KCNK16: variants seen among roughly 807,000 people sequenced by gnomAD.
The protein encoded by KCNK16 is potassium two pore domain channel subfamily K member 16, also known as potassium channel subfamily K member 16.
KCNK16 carries 23 observed loss-of-function variants against 23.0 expected under a neutral mutation model. That is an observed-to-expected ratio of 1.00 (90% CI 0.72 to 1.41). The LOEUF is 1.41. Ranked by LOEUF, KCNK16 falls within the 40% of genes most tolerant of loss-of-function variation. The pLI is 0.00. For synonymous variants in KCNK16, 145 were observed against 153.5 expected (o/e 0.94, Z 0.41); for missense variants, 327 against 365.8 (o/e 0.89, Z 0.87).
rs774831433 is a variant in KCNK16 at position 39,322,460 on chromosome 6, G to A, written c.81C>T (p.Leu27=). 29 of 1,613,894 alleles carry A rather than the reference G, an allele frequency of 1.8e-5. No individual in the cohort carries two copies. Among genetic ancestry groups the A allele is most frequent in the South Asian group, 1.4e-4 (13 of 91,062 alleles). The part of the protein sequence containing the change: ...LLLAYVCYLL[L]GATIFQLLER... ...CTAGCAGCTGGAAGATAGTGGCACC[G>A]AGCAGCAGGTAGCAGACATAGGCCA... The change falls in exon 1 of 5, where the codon CTC becomes CTT. Residue 27 remains leucine, a synonymous_variant. Transcript: ENST00000437525.
intron 3 of KCNK16, 115 bp downstream of exon 3, chr6:39,317,671 A>G: frequency 8.6e-7 from 1 of 1,157,926 alleles, no homozygotes; most frequent in Non-Finnish European, 1.2e-6. Flanking sequence ...CCTCTTTCAC[A>G]GGCATCTACC....
rs757798748 is a variant in KCNK16, at chr6:39,316,385, A to T, written c.719T>A (p.Ile240Asn). The change falls in exon 5 of 5, where the codon ATC becomes AAC. Residue 240 changes from isoleucine (I) to asparagine (N), a missense_variant. Transcript: ENST00000437525. ...SVYRSLAAIWILLGLAWLALI... is the reference protein window; with the variant it reads ...SVYRSLAAIWNLLGLAWLALI... ...CGCCAGCCACGCCAGGCCCAGGAGGATCCAGATGGCTGCCAGGCTCCGATA... is the reference window on the plus strand; with the variant it reads ...CGCCAGCCACGCCAGGCCCAGGAGGTTCCAGATGGCTGCCAGGCTCCGATA... 5 of 1,611,740 alleles carry T rather than the reference A, an allele frequency of 3.1e-6. No individual in the cohort carries two copies. The highest frequency in any genetic ancestry group is 3.3e-4 in the Middle Eastern group (2 of 6,026).
chr6:39,315,279 G>T (rs1428365163), downstream of KCNK16: 1 of 1,579,992 alleles, frequency 6.3e-7, no homozygotes, highest in Non-Finnish European at 8.6e-7. Context: ...GCCAGACCTG[G>T]AGAATGCATT....
At position 39,316,391 on chromosome 6, in the gene KCNK16, A is replaced by T. The variant is rs767559762; in HGVS notation, c.713T>A (p.Ile238Asn). ...YISVYRSLAAIWILLGLAWLA... is the reference protein window; with the variant it reads ...YISVYRSLAANWILLGLAWLA... ...CCACGCCAGGCCCAGGAGGATCCAG[A>T]TGGCTGCCAGGCTCCGATACACTGA... The change falls in exon 5 of 5, where the codon ATC becomes AAC. Residue 238 changes from isoleucine to asparagine, a missense_variant. Ile to Asn is a moderately radical substitution (Grantham distance 149). Coordinates refer to ENST00000437525, the MANE Select transcript of KCNK16 (RefSeq NM_001135106.2). 4.3e-5 allele frequency: 70 copies of T among 1,612,732 alleles called. No homozygotes were observed. Among genetic ancestry groups the T allele is most frequent in the Non-Finnish European group, 5.9e-5 (69 of 1,179,464 alleles).
chr6:39,319,041 T>A lies in KCNK16; in HGVS notation c.306A>T (p.Ala102=). ...TACCTATGGTAGTGACGACTGTGCC[T>A]GCAAAGAAGAAACTGCTGCCAAAGT... ...NWDFGSSFFF[A]GTVVTTIGYG... The change falls in exon 2 of 5, where the codon GCA becomes GCT. Residue 102 remains alanine, a synonymous_variant. Transcript: ENST00000437525. The surrounding 1 kb of genome is among the most constrained non-coding windows in gnomAD (Gnocchi z 4.2). The A allele has an allele frequency of 1.2e-6, 2 of 1,613,848 alleles. No individual in the cohort carries two copies. The highest frequency in any genetic ancestry group is 1.7e-6 in the Non-Finnish European group (2 of 1,179,736).
downstream of KCNK16, chr6:39,315,563 C>G (rs1216682560): frequency 1.1e-5 from 8 of 748,876 alleles, no homozygotes; most frequent in East Asian, 2.7e-5. Context: ...GCTCGCCTGC[C>G]CCTCGGCTGA....
chr6:39,322,268 A>T, intron 1 of KCNK16, 60 bp downstream of exon 1: 2 of 1,571,480 alleles, frequency 1.3e-6, no homozygotes, highest in Non-Finnish European at 1.7e-6. Context: ...TGCCACAGGA[A>T]CCCCATTCCA....
In KCNK16 at chr6:39,320,690, G is replaced by C. The variant is rs143225418; in HGVS notation, c.214-1557C>G. 4.7e-3 allele frequency among the ~76,000 whole-genome samples: 711 copies of C among 151,180 alleles called. 4 individuals are homozygous for C. The highest frequency in any genetic ancestry group is 0.016 in the African/African-American group (669 of 40,564). ...GGGAAAGGGATGTCCTGTCTTCCCT[G>C]GGGAGGCCCCAGGGGCTAATCAGTG... On this transcript the variant is annotated intron_variant, in intron 1 of 4. Coordinates refer to ENST00000437525, the MANE Select transcript of KCNK16 (RefSeq NM_001135106.2).
downstream of KCNK16, chr6:39,315,035 G>A (rs749866171): frequency 6.2e-7 from 1 of 1,612,840 alleles, no homozygotes. Context: ...ATATGGGGAA[G>A]TCCTGGGGTG....
Position 39,319,210 on chromosome 6 carries a change from A to G in KCNK16, c.214-77T>C, listed in dbSNP as rs1228903507. On this transcript the variant is annotated intron_variant, in intron 1 of 4. Coordinates refer to ENST00000437525, the MANE Select transcript of KCNK16 (RefSeq NM_001135106.2). The surrounding 1 kb of genome is among the most constrained non-coding windows in gnomAD (Gnocchi z 4.2). ...CACCAGTTGTTGCCATGCTTTTGGCAGCATGCTTTTGTGTCATCTCATCTA... is the reference window on the plus strand; with the variant it reads ...CACCAGTTGTTGCCATGCTTTTGGCGGCATGCTTTTGTGTCATCTCATCTA... 1.9e-5 allele frequency: 16 copies of G among 829,086 alleles called. No homozygotes were observed. Among genetic ancestry groups the G allele is most frequent in the Non-Finnish European group, 2.9e-5 (14 of 474,980 alleles). 51.4% of individuals were successfully genotyped at this position (829,086 alleles called of 1,614,324 possible).
chr6:39,321,277 C>A (rs1762507180), intron 1 of KCNK16, among the ~76,000 whole-genome samples: 3 of 152,340 alleles, frequency 2.0e-5, no homozygotes, highest in East Asian at 1.9e-4. Flanking sequence ...CTGCCCCCAG[C>A]ACTTATGCTA....
chr6:39,322,140 C>T (rs1417692436), intron 1 of KCNK16, among the ~76,000 whole-genome samples, 188 bp downstream of exon 1: 2 of 152,230 alleles, frequency 1.3e-5, no homozygotes, highest in Non-Finnish European at 2.9e-5. Flanking sequence ...CAAGGTCACA[C>T]ATCAATCCAG....
chr6:39,316,321 G>A lies in KCNK16; in HGVS notation c.783C>T (p.Cys261=). 1 of 1,610,260 alleles carries A rather than the reference G, an allele frequency of 6.2e-7. No homozygotes were observed. Among genetic ancestry groups the A allele is most frequent in the Non-Finnish European group, 8.5e-7 (1 of 1,178,768 alleles). Residue 261 remains cysteine (C), a synonymous_variant, in exon 5 of 5, where the codon TGC becomes TGT. Coordinates refer to ENST00000437525, the MANE Select transcript of KCNK16 (RefSeq NM_001135106.2). ...LPLGPLLLHR[C]CQLWLLSRGL... is the part of the protein sequence containing the mutation. ...CCCTACTGAGCAGCCAGAGCTGGCA[G>A]CATCTGTGCAGAAGCAGGGGGCCCA...
At position 39,319,186 on chromosome 6, in the gene KCNK16, A is replaced by G; in HGVS notation, c.214-53T>C. Reference sequence around the variant, plus strand: ...AAGAAGGAGCTGATGGTTACTGGGCACCAGTTGTTGCCATGCTTTTGGCAG... The same window carrying G: ...AAGAAGGAGCTGATGGTTACTGGGCGCCAGTTGTTGCCATGCTTTTGGCAG... On this transcript the variant is annotated intron_variant, in intron 1 of 4. Coordinates refer to ENST00000437525, the MANE Select transcript of KCNK16 (RefSeq NM_001135106.2). The surrounding 1 kb of genome is among the most constrained non-coding windows in gnomAD (Gnocchi z 4.2). 9.7e-7 allele frequency: 1 copy of G among 1,029,118 alleles called. No individual in the cohort carries two copies. Among genetic ancestry groups the G allele is most frequent in the Non-Finnish European group, 1.5e-6 (1 of 650,142 alleles). The allele number at this position is 1,029,118 out of a possible 1,614,324, so 63.7% of individuals were successfully genotyped here.
Position 39,316,403 on chromosome 6 carries a change from C to G in KCNK16, c.701G>C (p.Ser234Thr). 1.2e-6 allele frequency: 2 copies of G among 1,611,714 alleles called. No individual in the cohort carries two copies. Among genetic ancestry groups the G allele is most frequent in the Non-Finnish European group, 1.7e-6 (2 of 1,178,952 alleles). Residue 234 changes from serine (S) to threonine (T), a missense_variant, in exon 5 of 5, where the codon AGC (serine) becomes ACC (threonine). By Grantham distance (58) the Ser-to-Thr change is moderately conservative. Transcript: ENST00000437525. ...PSKHYISVYRSLAAIWILLGL... is the reference protein window; with the variant it reads ...PSKHYISVYRTLAAIWILLGL... ...CAGGAGGATCCAGATGGCTGCCAGG[C>G]TCCGATACACTGAGATATAATGCTT...
In KCNK16 at chr6:39,322,567, G is replaced by C. The variant is rs200139415; in HGVS notation, c.-27C>G. On this transcript the variant is annotated 5_prime_UTR_variant, in exon 1 of 5. Coordinates refer to ENST00000437525, the MANE Select transcript of KCNK16 (RefSeq NM_001135106.2). Reference sequence around the variant, plus strand: ...CTGTGGCCAGGACCCTGCCAGGGCCGTGGGGCTGGCTATGGGGGAGAGGTG... The same window carrying C: ...CTGTGGCCAGGACCCTGCCAGGGCCCTGGGGCTGGCTATGGGGGAGAGGTG... The C allele has an allele frequency of 1.3e-6, 2 of 1,560,146 alleles. No individual in the cohort carries two copies. The highest frequency in any genetic ancestry group is 2.7e-5 in the African/African-American group (2 of 73,860).
At chr6:39,321,272 C>T (rs1342686213) in intron 1 of KCNK16, among the ~76,000 whole-genome samples, 1 of 152,182 alleles carries the variant, frequency 6.6e-6, no homozygotes, top group African/African-American at 2.4e-5. Flanking sequence ...GCATCCTGCC[C>T]CCAGCACTTA....
Position 39,316,407 on chromosome 6 carries a change from G to T in KCNK16, c.697C>A (p.Arg233=). ...AGGATCCAGATGGCTGCCAGGCTCC[G>T]ATACACTGAGATATAATGCTTGCTG... is the stretch of plus-strand genomic sequence containing the variant. ...DPSKHYISVY[R]SLAAIWILLG... The change falls in exon 5 of 5, where the codon CGG becomes AGG. Residue 233 remains arginine (R), a synonymous_variant. Transcript: ENST00000437525. 6.2e-7 allele frequency: 1 copy of T among 1,611,882 alleles called. No homozygotes were observed. The highest frequency in any genetic ancestry group is 2.2e-5 in the East Asian group (1 of 44,790).
At chr6:39,318,698 G>T (rs1355895909) in intron 2 of KCNK16, among the ~76,000 whole-genome samples, 1 of 152,174 alleles carries the variant, frequency 6.6e-6, no homozygotes, top group African/African-American at 2.4e-5. Context: ...CTCGGGACCA[G>T]CTCTCAACCT....
Sources: gnomAD v4.1 joint callset for allele counts (sites outside exome capture counted in the v4.1 genomes callset) on GRCh38, gnomAD v4.1.1 for gene constraint, Gnocchi (gnomAD v3.1) non-coding constraint, MANE v1.5 for transcripts, NCBI Gene and HGNC (gene_info 2026-07-23, HGNC 2026-07-21) for gene names.